Variants in RBFOX1 observed in about 807,000 individuals in gnomAD.
The protein encoded by RBFOX1 is RNA binding protein fox-1 homolog 1.
RBFOX1 carries 8 observed loss-of-function variants against 57.7 expected under a neutral mutation model. The ratio of observed to expected loss-of-function variants is 0.14; its 90% confidence interval spans 0.08 to 0.25. The LOEUF is 0.25. RBFOX1 is among the 10% of genes least tolerant of loss of function. RBFOX1 has a pLI of 1.00. For synonymous variants in RBFOX1, 326 were observed against 222.4 expected, an observed-to-expected ratio of 1.47 and a Z score of -4.15; for missense variants, 611 against 548.5, an observed-to-expected ratio of 1.11 and a Z score of -1.14.
At chr16:5,971,112 C>T (rs1321210388) in intron 4 of RBFOX1, among the ~76,000 whole-genome samples, 4 of 152,192 alleles carry the variant, frequency 2.6e-5, no homozygotes, top group Non-Finnish European at 4.4e-5. Flanking sequence ...ATCCAGGTGT[C>T]CAGCTGTCAA....
intron 3 of RBFOX1, among the ~76,000 whole-genome samples, chr16:5,626,422 A>C (rs1236007582): frequency 1.3e-5 from 2 of 152,152 alleles, no homozygotes; most frequent in African/African-American, 4.8e-5. Flanking sequence ...GACTCACTCT[A>C]ATAACCTCAC....
At chr16:7,615,490 A>G (rs1457069878) in intron 10 of RBFOX1, among the ~76,000 whole-genome samples, 7 of 152,184 alleles carry the variant, frequency 4.6e-5, no homozygotes, top group African/African-American at 1.7e-4. Context: ...GGTAAATTAG[A>G]TCCAGTGAAG....
intron 1 of RBFOX1, among the ~76,000 whole-genome samples, chr16:6,211,045 C>G (rs149481793): frequency 1.0e-3 from 154 of 152,112 alleles, no homozygotes; most frequent in African/African-American, 3.5e-3. Context: ...AGAAAACACA[C>G]ATAGCACTGG....
At chr16:6,501,072 C>G (rs1375558739) in intron 2 of RBFOX1, among the ~76,000 whole-genome samples, 1 of 150,814 alleles carries the variant, frequency 6.6e-6, no homozygotes, top group Non-Finnish European at 1.5e-5. Context: ...GGACCCTATC[C>G]TGCTTGATGA....
chr16:7,352,610 G>A (rs563992693), intron 4 of RBFOX1, among the ~76,000 whole-genome samples: 3 of 152,104 alleles, frequency 2.0e-5, no homozygotes, highest in Non-Finnish European at 2.9e-5. Flanking sequence ...AAACAAGCTC[G>A]CTATATTTCC....
intron 4 of RBFOX1, among the ~76,000 whole-genome samples, chr16:7,235,727 C>G (rs982810558): frequency 2.0e-5 from 3 of 152,108 alleles, no homozygotes; most frequent in South Asian, 2.1e-4. Context: ...TCCTGCCTTG[C>G]AATTTATATA....
intron 1 of RBFOX1, among the ~76,000 whole-genome samples, chr16:5,294,769 G>A (rs550902397): frequency 4.6e-5 from 7 of 152,102 alleles, no homozygotes; most frequent in Admixed American, 6.6e-5. Flanking sequence ...AGTGGCTCAC[G>A]CCTGTAATCC....
intron 2 of RBFOX1, among the ~76,000 whole-genome samples, chr16:6,538,783 G>C (rs560717041): frequency 6.6e-6 from 1 of 152,214 alleles, no homozygotes; most frequent in South Asian, 2.1e-4. Context: ...GCTTCTTCCA[G>C]GGCCTCTGTC....
chr16:5,661,888 C>A (rs930653554), intron 3 of RBFOX1, among the ~76,000 whole-genome samples: 1 of 151,984 alleles, frequency 6.6e-6, no homozygotes. Flanking sequence ...TGGGGTCAAG[C>A]GATTCTCCTG....
chr16:7,260,451 G>T (rs2094874130), intron 4 of RBFOX1, among the ~76,000 whole-genome samples: 3 of 152,058 alleles, frequency 2.0e-5, no homozygotes, highest in African/African-American at 4.8e-5. Flanking sequence ...GTTTTGTTCT[G>T]GGTGCTAAGG....
intron 4 of RBFOX1, among the ~76,000 whole-genome samples, chr16:5,872,261 A>G (rs1228785776): frequency 6.6e-6 from 1 of 152,220 alleles, no homozygotes; most frequent in Non-Finnish European, 1.5e-5. Context: ...AGAAGGTTAC[A>G]GTGGAAAGAG....
At chr16:6,664,180 G>C (rs2098718229) in intron 3 of RBFOX1, among the ~76,000 whole-genome samples, 3 of 151,964 alleles carry the variant, frequency 2.0e-5, no homozygotes, top group Admixed American at 1.3e-4. Flanking sequence ...CCAAGGAATG[G>C]GACAAAGAGA....
At chr16:7,497,239 T>C (rs968284649) in intron 4 of RBFOX1, among the ~76,000 whole-genome samples, 4 of 152,186 alleles carry the variant, frequency 2.6e-5, no homozygotes, top group African/African-American at 9.7e-5. Context: ...CCCCAGTTCC[T>C]GCTAAATCTT....
intron 1 of RBFOX1, among the ~76,000 whole-genome samples, chr16:5,250,371 G>C (rs530556101): frequency 1.3e-5 from 2 of 152,094 alleles, no homozygotes; most frequent in East Asian, 1.9e-4. Context: ...CCATCATCTA[G>C]GTTTTAAGCC....
chr16:7,655,610 T>A (rs990533654), intron 12 of RBFOX1, among the ~76,000 whole-genome samples: 2 of 152,010 alleles, frequency 1.3e-5, no homozygotes, highest in Non-Finnish European at 2.9e-5. Context: ...GATCATGTAA[T>A]GAGTTATGAA....
At chr16:6,616,236 C>T (rs1243604310) in intron 2 of RBFOX1, among the ~76,000 whole-genome samples, 3 of 152,188 alleles carry the variant, frequency 2.0e-5, no homozygotes, top group Non-Finnish European at 4.4e-5. Context: ...TGTCTGTGCT[C>T]ATATTCTCCT....
intron 4 of RBFOX1, among the ~76,000 whole-genome samples, chr16:7,166,434 A>C (rs1038819623): frequency 2.0e-5 from 3 of 152,132 alleles, no homozygotes; most frequent in Non-Finnish European, 4.4e-5. Context: ...GAGTCCATGA[A>C]TAAATGTGAT....
chr16:7,616,600 G>T (rs1596556018), intron 10 of RBFOX1, among the ~76,000 whole-genome samples: 1 of 152,196 alleles, frequency 6.6e-6, no homozygotes, highest in Admixed American at 6.5e-5. Flanking sequence ...CTCTCACTCT[G>T]TCACCTAGGC....
intron 4 of RBFOX1, among the ~76,000 whole-genome samples, chr16:7,297,682 TAAC>T (rs2095926927): frequency 6.6e-6 from 1 of 152,170 alleles, no homozygotes; most frequent in African/African-American, 2.4e-5. Flanking sequence ...GTCTTTATAA[TAAC>T]AACAGTTGTA....
Sources: allele counts gnomAD v4.1 joint callset (sites outside exome capture counted in the v4.1 genomes callset), GRCh38; gene constraint gnomAD v4.1.1; transcripts MANE v1.5; gene names NCBI Gene and HGNC (gene_info 2026-07-23, HGNC 2026-07-21).